Variants in SEMA3A observed in about 807,000 individuals in gnomAD.
The protein encoded by SEMA3A is semaphorin-3A.
Under a neutral mutation model 97.9 loss-of-function variants are expected in SEMA3A, and 29 were observed. That is an observed-to-expected ratio of 0.30 (90% CI 0.22 to 0.40). SEMA3A has a LOEUF of 0.40. SEMA3A is among the 10% of genes least tolerant of loss of function. The probability of loss-of-function intolerance (pLI) is 1.00; values close to 1 mark genes in which losing one functional copy is unlikely to be tolerated. For synonymous variants in SEMA3A, 321 were observed against 323.7 expected, an observed-to-expected ratio of 0.99 and a Z score of 0.09; for missense variants, 763 against 951.3, an observed-to-expected ratio of 0.80 and a Z score of 2.60.
intron 15 of SEMA3A, among the ~76,000 whole-genome samples, chr7:83,968,726 G>T (rs1788805588): frequency 6.7e-6 from 1 of 150,030 alleles, no homozygotes; most frequent in African/African-American, 2.5e-5. Flanking sequence ...TTATATGTTA[G>T]ATAGGTCATT....
At chr7:83,983,226 T>TTTCTTTCTTTCTTTTCTTTCTC (rs1789496913) in intron 13 of SEMA3A, among the ~76,000 whole-genome samples, 1 of 151,274 alleles carries the variant, frequency 6.6e-6, no homozygotes, top group East Asian at 1.9e-4. Flanking sequence ...TTTCTTTTTC[T>TTTCTTTCTTTCTTTTCTTTCTC]TTCTTTCTTT....
chr7:84,313,233 T>C (rs1219675628), intron 2 of SEMA3A, among the ~76,000 whole-genome samples: 1 of 145,242 alleles, frequency 6.9e-6, no homozygotes, highest in East Asian at 2.0e-4. Flanking sequence ...TATTTCCCTC[T>C]CTTTCTCTTC....
chr7:84,288,051 A>G (rs1054038116), intron 3 of SEMA3A, among the ~76,000 whole-genome samples: 2 of 152,186 alleles, frequency 1.3e-5, no homozygotes, highest in Admixed American at 6.6e-5. Context: ...TTCAGGAAAT[A>G]GATACTTCCA....
intron 1 of SEMA3A, among the ~76,000 whole-genome samples, chr7:84,422,737 A>G (rs1051355124): frequency 6.6e-6 from 1 of 152,102 alleles, no homozygotes; most frequent in African/African-American, 2.4e-5. Flanking sequence ...TTGGTTTCAA[A>G]GAACTTATTT....
At chr7:84,218,203 T>G (rs987904805) in intron 3 of SEMA3A, among the ~76,000 whole-genome samples, 1 of 152,122 alleles carries the variant, frequency 6.6e-6, no homozygotes, top group African/African-American at 2.4e-5. Context: ...TTGAAATATT[T>G]TTGGTATGAT....
chr7:84,478,610 A>C (rs1465515317), intron 1 of SEMA3A, among the ~76,000 whole-genome samples: 1 of 152,028 alleles, frequency 6.6e-6, no homozygotes, highest in Non-Finnish European at 1.5e-5. Flanking sequence ...TAGATTTTAT[A>C]GACTACAAAG....
At chr7:84,331,402 T>C (rs183516329) in intron 2 of SEMA3A, among the ~76,000 whole-genome samples, 1 of 152,278 alleles carries the variant, frequency 6.6e-6, no homozygotes, top group African/African-American at 2.4e-5. Context: ...AGTTTGAAAA[T>C]GAAAGATTCA....
chr7:84,390,502 G>GT (rs1010108192), intron 1 of SEMA3A, among the ~76,000 whole-genome samples: 65 of 151,648 alleles, frequency 4.3e-4, no homozygotes, highest in East Asian at 1.9e-4. Flanking sequence ...TTTGTTTTCT[G>GT]TTTTTTCCCT....
At chr7:84,392,920 C>T (rs1392191567) in intron 1 of SEMA3A, among the ~76,000 whole-genome samples, 1 of 151,988 alleles carries the variant, frequency 6.6e-6, no homozygotes, top group African/African-American at 2.4e-5. Flanking sequence ...GTTGTTTGAG[C>T]TCCTTATATA....
chr7:84,222,041 C>A (rs1227820094), intron 3 of SEMA3A, among the ~76,000 whole-genome samples: 1 of 151,908 alleles, frequency 6.6e-6, no homozygotes, highest in African/African-American at 2.4e-5. Context: ...TGGTTCTCTA[C>A]AGTATTACGA....
chr7:84,483,206 T>C (rs1014120355), intron 1 of SEMA3A, among the ~76,000 whole-genome samples: 1 of 152,100 alleles, frequency 6.6e-6, no homozygotes, highest in African/African-American at 2.4e-5. Context: ...GCTAACAAAA[T>C]TTTCACTTCA....
At chr7:84,364,167 A>C (rs984409712) in intron 2 of SEMA3A, among the ~76,000 whole-genome samples, 1 of 151,728 alleles carries the variant, frequency 6.6e-6, no homozygotes, top group Admixed American at 6.6e-5. Flanking sequence ...TTTCCAGTAC[A>C]GTAAATACTG....
At chr7:84,467,379 G>A (rs2116401582) in intron 1 of SEMA3A, among the ~76,000 whole-genome samples, 1 of 151,968 alleles carries the variant, frequency 6.6e-6, no homozygotes, top group African/African-American at 2.4e-5. Context: ...AAAATTAGCT[G>A]GGTATGTTGG....
In SEMA3A at chr7:84,429,516, T is replaced by TTATATATATATATATATATATATATATA. The variant is rs10523978; in HGVS notation, c.-245-57644_-245-57617dup. On this transcript the variant is annotated intron_variant, in intron 1 of 3. Transcript: ENST00000424555. ...TTGCATTAGTAAAATATAGAGTTTG[T>TTATATATATATATATATATATATATATA]TATATATATATATATATATATATAT... 5.7e-4 allele frequency among the ~76,000 whole-genome samples: 41 copies of TTATATATATATATATATATATATATATA among 72,364 alleles called. 1 individual carries two copies. The highest frequency in any genetic ancestry group is 1.0e-3 in the East Asian group (2 of 1,968). The allele number at this position is 72,364 out of a possible 152,430, so 47.5% of individuals were successfully genotyped here.
intron 4 of SEMA3A, among the ~76,000 whole-genome samples, chr7:84,086,267 C>G (rs1029074115): frequency 1.3e-5 from 2 of 151,722 alleles, no homozygotes; most frequent in African/African-American, 4.8e-5. Flanking sequence ...GGGTCCTGTG[C>G]TCGTTCCTAC....
intron 1 of SEMA3A, among the ~76,000 whole-genome samples, chr7:84,402,613 T>G (rs2158170): frequency 0.11 from 17,037 of 152,134 alleles, 1,201 homozygotes; most frequent in East Asian, 0.28. Context: ...AATGGATGTA[T>G]GAAGATAATG....
At chr7:84,268,040 T>C (rs1473174200) in intron 3 of SEMA3A, among the ~76,000 whole-genome samples, 1 of 152,100 alleles carries the variant, frequency 6.6e-6, no homozygotes, top group Non-Finnish European at 1.5e-5. Flanking sequence ...CATAGCTGTA[T>C]AACTACATTA....
chr7:84,192,160 G>A (rs1798064304), intron 1 of SEMA3A, among the ~76,000 whole-genome samples: 2 of 151,844 alleles, frequency 1.3e-5, no homozygotes, highest in Admixed American at 1.3e-4. Context: ...ATTTTTAAGG[G>A]CAATGCAGTG....
intron 3 of SEMA3A, among the ~76,000 whole-genome samples, chr7:84,285,376 A>G (rs1182756214): frequency 6.6e-6 from 1 of 152,168 alleles, no homozygotes; most frequent in African/African-American, 2.4e-5. Flanking sequence ...TATAAGAAAA[A>G]AATATGTGCA....
Sources: gnomAD v4.1 joint callset for allele counts (sites outside exome capture counted in the v4.1 genomes callset) on GRCh38, gnomAD v4.1.1 for gene constraint, MANE v1.5 for transcripts, NCBI Gene and HGNC (gene_info 2026-07-23, HGNC 2026-07-21) for gene names.